FIGNL2: variants seen among roughly 807,000 people sequenced by gnomAD.
The protein encoded by FIGNL2 is fidgetin-like protein 2.
For missense variants in FIGNL2, 1,060 were observed against 950.2 expected, an observed-to-expected ratio of 1.12 and a Z score of -1.52; for synonymous variants, 565 against 484.0, an observed-to-expected ratio of 1.17 and a Z score of -2.20.
intron 1 of FIGNL2, among the ~76,000 whole-genome samples, chr12:51,842,329 G>A (rs1271363521): frequency 6.6e-6 from 1 of 152,214 alleles, no homozygotes; most frequent in African/African-American, 2.4e-5. Context: ...CCCAGCCACT[G>A]ATGAAATGCT....
At chr12:51,834,902 A>G (rs2138993290) in intron 1 of FIGNL2, among the ~76,000 whole-genome samples, 1 of 152,338 alleles carries the variant, frequency 6.6e-6, no homozygotes, top group Admixed American at 6.5e-5. Flanking sequence ...CCAGATGGGC[A>G]TTATTCTCCC....
At chr12:51,845,620 C>G in intron 1 of FIGNL2, 17 of 985,346 alleles carry the variant, frequency 1.7e-5, no homozygotes, top group Non-Finnish European at 2.0e-5. Context: ...GTAAAGGAGT[C>G]GATAACCGCC....
At chr12:51,845,473 A>ACCGGG in intron 1 of FIGNL2, 1 of 975,966 alleles carries the variant, frequency 1.0e-6, no homozygotes, top group Non-Finnish European at 1.2e-6. Flanking sequence ...CCCCCCCCAC[A>ACCGGG]GTCTCTGTCC....
intron 1 of FIGNL2, among the ~76,000 whole-genome samples, chr12:51,828,717 C>T (rs749053765): frequency 6.6e-6 from 1 of 152,158 alleles, no homozygotes; most frequent in Non-Finnish European, 1.5e-5. Flanking sequence ...CAGTAGGTAT[C>T]CCCCCAGGCC....
intron 1 of FIGNL2, among the ~76,000 whole-genome samples, chr12:51,833,962 T>C (rs1466574839): frequency 6.7e-6 from 1 of 149,790 alleles, no homozygotes; most frequent in Non-Finnish European, 1.5e-5. Flanking sequence ...GACGGATGGA[T>C]GGATGAATGG....
At position 51,833,745 on chromosome 12, in the gene FIGNL2, C is replaced by T. The variant is rs149106054; in HGVS notation, c.-11-11321G>A. Among the ~76,000 whole-genome samples, 534 of 152,376 alleles carry T rather than the reference C, an allele frequency of 3.5e-3. 1 individual carries two copies. Among genetic ancestry groups the T allele is most frequent in the Non-Finnish European group, 6.1e-3 (412 of 68,042 alleles). On this transcript the variant is annotated intron_variant, in intron 1 of 1. Coordinates refer to ENST00000618634, the MANE Select transcript of FIGNL2 (RefSeq NM_001384995.1). ...CTCGGCAGACACTGTCCCCTTCAAC[C>T]TGATGTTCCCTGTAACACTCATCCA...
Position 51,820,687 on chromosome 12 carries a change from C to G in FIGNL2, c.1727G>C (p.Cys576Ser), listed in dbSNP as rs192804276. The change falls in exon 2 of 2, where the codon TGC becomes TCC. Residue 576 changes from cysteine to serine, a missense_variant. Physicochemically the swap from Cys to Ser is moderately radical, Grantham distance 112 (BLOSUM62 -1). Coordinates refer to ENST00000618634, the MANE Select transcript of FIGNL2 (RefSeq NM_001384995.1). ...ILQRALAQQG[C>S]ALSERELAAL... is the part of the protein sequence containing the mutation. ...CGCCAGTTCCCGCTCACTGAGCGCGCAGCCCTGCTGGGCCAGCGCCCGCTG... is the reference window on the plus strand; with the variant it reads ...CGCCAGTTCCCGCTCACTGAGCGCGGAGCCCTGCTGGGCCAGCGCCCGCTG... 2 of 1,507,726 alleles carry G rather than the reference C, an allele frequency of 1.3e-6. No individual in the cohort carries two copies. Among genetic ancestry groups the G allele is most frequent in the African/African-American group, 2.9e-5 (2 of 69,048 alleles). The allele number at this position is 1,507,726 out of a possible 1,614,324, so 93.4% of individuals were successfully genotyped here.
At position 51,821,550 on chromosome 12, in the gene FIGNL2, G is replaced by A; in HGVS notation, c.864C>T (p.Ala288=). 6.4e-7 allele frequency: 1 copy of A among 1,551,706 alleles called. No homozygotes were observed. Among genetic ancestry groups the A allele is most frequent in the South Asian group, 1.2e-5 (1 of 84,912 alleles). The part of the protein sequence containing the change: ...YRKYAYEPAK[A]PVADGASYPA... ...GGTAGGAGGCTCCGTCAGCCACGGG[G>A]GCCTTGGCGGGCTCGTACGCGTACT... is the stretch of plus-strand genomic sequence containing the variant. Residue 288 remains alanine, a synonymous_variant, in exon 2 of 2, where the codon GCC becomes GCT. Coordinates refer to ENST00000618634, the MANE Select transcript of FIGNL2 (RefSeq NM_001384995.1).
intron 1 of FIGNL2, among the ~76,000 whole-genome samples, chr12:51,827,432 G>T (rs1281655273): frequency 1.3e-5 from 2 of 151,784 alleles, no homozygotes; most frequent in East Asian, 3.9e-4. Flanking sequence ...TGCCATATTG[G>T]CCAGACTGGT....
At chr12:51,832,589 C>A (rs1186754807) in intron 1 of FIGNL2, among the ~76,000 whole-genome samples, 1 of 152,036 alleles carries the variant, frequency 6.6e-6, no homozygotes, top group Non-Finnish European at 1.5e-5. Context: ...CCTCCCATCA[C>A]CCACTCCCTT....
In FIGNL2 at chr12:51,820,234, T is replaced by C; in HGVS notation, c.*218A>G. The C allele has an allele frequency of 1.6e-6, 1 of 606,212 alleles. No individual in the cohort carries two copies. Among genetic ancestry groups the C allele is most frequent in the East Asian group, 3.4e-5 (1 of 29,102 alleles). The allele number at this position is 606,212 out of a possible 1,614,324, so 37.6% of individuals were successfully genotyped here. A position where few individuals can be genotyped will look rare whatever the true frequency, so the allele number is the denominator to read the frequency against. On this transcript the variant is annotated 3_prime_UTR_variant, in exon 2 of 2. Transcript: ENST00000618634. ...TGGCGAGCTTCCAGTCCACAATAAA[T>C]AGGAAAAACCTGAGTACACGGCGCA... is the stretch of plus-strand genomic sequence containing the variant.
In FIGNL2 at chr12:51,827,843, C is replaced by T. The variant is rs61285885; in HGVS notation, c.-11-5419G>A. ...CTACGTTTTACATCTCTAATGCAGC[C>T]GTCATACCAGCTCTGAGATCAATAC... is the stretch of plus-strand genomic sequence containing the variant. On this transcript the variant is annotated intron_variant, in intron 1 of 1. Transcript: ENST00000618634. Among the ~76,000 whole-genome samples the T allele has an allele frequency of 9.6e-3, 1,464 of 152,270 alleles. 41 individuals carry two copies. The highest frequency in any genetic ancestry group is 0.033 in the African/African-American group (1,370 of 41,546).
In FIGNL2 at chr12:51,822,274, G is replaced by T. The variant is rs751056628; in HGVS notation, c.140C>A (p.Ala47Glu). 6.2e-7 allele frequency: 1 copy of T among 1,611,676 alleles called. No individual in the cohort carries two copies. The highest frequency in any genetic ancestry group is 8.5e-7 in the Non-Finnish European group (1 of 1,178,966). ...GGRQRCHYAW[A>E]HDDISALTAS... ...AGTGAGGGCTGAGATGTCGTCGTGT[G>T]CCCAAGCGTAGTGGCAGCGTTGGCG... The change falls in exon 2 of 2, where the codon GCA becomes GAA. Residue 47 changes from alanine to glutamate, a missense_variant. By Grantham distance (107) the Ala-to-Glu change is moderately radical. Coordinates refer to ENST00000618634, the MANE Select transcript of FIGNL2 (RefSeq NM_001384995.1).
At chr12:51,847,442 AC>A in intron 1 of FIGNL2, 4 of 985,468 alleles carry the variant, frequency 4.1e-6, no homozygotes, top group Non-Finnish European at 4.8e-6. Context: ...GCCCGTGCGG[AC>A]AACACAAACA....
chr12:51,838,000 A>T (rs1219658695), intron 1 of FIGNL2: 1 of 152,248 alleles, frequency 6.6e-6, no homozygotes, highest in Non-Finnish European at 1.5e-5. Flanking sequence ...CACCTCCAGG[A>T]GGATTAGCAA....
At chr12:51,848,249 G>A in intron 1 of FIGNL2, 1 of 984,504 alleles carries the variant, frequency 1.0e-6, no homozygotes, top group Non-Finnish European at 1.2e-6. Context: ...GCTCGCTTTC[G>A]CTGCAGCCCC....
chr12:51,836,300 C>T (rs949349924), intron 1 of FIGNL2, among the ~76,000 whole-genome samples: 1 of 152,176 alleles, frequency 6.6e-6, no homozygotes, highest in African/African-American at 2.4e-5. Context: ...GGCACTCTGT[C>T]ATCTGGCCTT....
At chr12:51,839,581 C>T (rs953261053) in intron 1 of FIGNL2, among the ~76,000 whole-genome samples, 1 of 152,220 alleles carries the variant, frequency 6.6e-6, no homozygotes, top group Admixed American at 6.5e-5. Flanking sequence ...ACCCTTCAGC[C>T]TGGCACCAGA....
In FIGNL2 at chr12:51,821,871, C is replaced by G. The variant is rs1257274321; in HGVS notation, c.543G>C (p.Pro181=). The G allele has an allele frequency of 7.7e-7, 1 of 1,300,322 alleles. No individual in the cohort carries two copies. Among genetic ancestry groups the G allele is most frequent in the Non-Finnish European group, 9.7e-7 (1 of 1,027,680 alleles). 80.5% of individuals were successfully genotyped at this position (1,300,322 alleles called of 1,614,324 possible). ...YCAQTGAALP[P]PPPAALLQPP... Reference sequence around the variant, plus strand: ...GCTGCAGGAGCGCGGCCGGGGGCGGCGGGGGCAGCGCGGCGCCCGTCTGCG... The same window carrying G: ...GCTGCAGGAGCGCGGCCGGGGGCGGGGGGGGCAGCGCGGCGCCCGTCTGCG... Residue 181 remains proline, a synonymous_variant, in exon 2 of 2, where the codon CCG becomes CCC. Coordinates refer to ENST00000618634, the MANE Select transcript of FIGNL2 (RefSeq NM_001384995.1).
Sources: gnomAD v4.1 joint callset for allele counts (sites outside exome capture counted in the v4.1 genomes callset) on GRCh38, gnomAD v4.1.1 for gene constraint, MANE v1.5 for transcripts, NCBI Gene and HGNC (gene_info 2026-07-23, HGNC 2026-07-21) for gene names.